DAB1: variants seen among roughly 807,000 people sequenced by gnomAD.
The protein encoded by DAB1 is DAB adaptor protein 1, also known as disabled homolog 1.
DAB1 carries 15 observed loss-of-function variants against 64.6 expected under a neutral mutation model. The ratio of observed to expected loss-of-function variants is 0.23; its 90% CI spans 0.16 to 0.36. The LOEUF (loss-of-function observed/expected upper bound fraction) is 0.36, where lower values mean the gene tolerates loss of function less well. Ranked by LOEUF, DAB1 falls within the 10% of genes least tolerant of loss-of-function variation. The pLI is 1.00. For synonymous variants in DAB1, 235 were observed against 251.9 expected (o/e 0.93, Z 0.64); for missense variants, 596 against 706.7 (o/e 0.84, Z 1.78).
chr1:57,203,028 T>C (rs890717343), intron 2 of DAB1, among the ~76,000 whole-genome samples: 1 of 152,202 alleles, frequency 6.6e-6, no homozygotes, highest in African/African-American at 2.4e-5. Flanking sequence ...TGAAATCTAT[T>C]CATTGGATTC....
At chr1:57,138,443 T>G (rs530824059) in intron 3 of DAB1, among the ~76,000 whole-genome samples, 1 of 152,256 alleles carries the variant, frequency 6.6e-6, no homozygotes, top group African/African-American at 2.4e-5. Context: ...TAAGTCTCTC[T>G]CCCTACAACC....
At chr1:57,719,141 C>T (rs1029446434) in intron 6 of DAB1, among the ~76,000 whole-genome samples, 4 of 152,118 alleles carry the variant, frequency 2.6e-5, no homozygotes, top group African/African-American at 9.7e-5. Context: ...TTTCCATGGC[C>T]GCTGAGTGAA....
chr1:57,827,554 G>T (rs747699438), intron 1 of DAB1, among the ~76,000 whole-genome samples: 1 of 152,146 alleles, frequency 6.6e-6, no homozygotes, highest in African/African-American at 2.4e-5. Flanking sequence ...AGATGGTGAA[G>T]ATTTAACACA....
chr1:57,855,539 T>A (rs1653713825), intron 1 of DAB1, among the ~76,000 whole-genome samples: 1 of 151,984 alleles, frequency 6.6e-6, no homozygotes, highest in African/African-American at 2.4e-5. Context: ...AGAAAAGCGG[T>A]CTTTGATATA....
At chr1:58,030,757 A>G (rs1204591415) in intron 5 of DAB1, among the ~76,000 whole-genome samples, 1 of 152,208 alleles carries the variant, frequency 6.6e-6, no homozygotes, top group Non-Finnish European at 1.5e-5. Flanking sequence ...GTGAACACAT[A>G]TGGAAATAGG....
intron 7 of DAB1, among the ~76,000 whole-genome samples, chr1:57,452,223 A>G (rs1686410391): frequency 8.2e-6 from 1 of 122,588 alleles, no homozygotes; most frequent in African/African-American, 3.2e-5. Flanking sequence ...GCTGGAGTGC[A>G]GTGGTGTGAT....
At chr1:57,820,078 T>C (rs543147127) in intron 6 of DAB1, among the ~76,000 whole-genome samples, 1 of 152,286 alleles carries the variant, frequency 6.6e-6, no homozygotes, top group Non-Finnish European at 1.5e-5. Flanking sequence ...CCAAGACAAT[T>C]ACCTCCATTA....
At chr1:57,950,839 T>C (rs1645262168) in intron 5 of DAB1, among the ~76,000 whole-genome samples, 1 of 152,184 alleles carries the variant, frequency 6.6e-6, no homozygotes, top group African/African-American at 2.4e-5. Context: ...ACTACTGTTA[T>C]TTGTTTCTCC....
rs531107162 is a variant in DAB1 at position 57,399,966 on chromosome 1, T to G, written c.-137+23964A>C. 2.1e-4 allele frequency among the ~76,000 whole-genome samples: 32 copies of G among 152,306 alleles called. No homozygotes were observed. The South Asian group carries it at 5.4e-3, about 26-fold the overall frequency. On this transcript the variant is annotated intron_variant, in intron 1 of 14. Coordinates refer to ENST00000371236, the MANE Select transcript of DAB1 (RefSeq NM_001365792.1). ...TGGATTAGAATAGCCTGTCTTATCTTCCCAAAGGTTGGGGTACTCACTCAC... is the reference window on the plus strand; with the variant it reads ...TGGATTAGAATAGCCTGTCTTATCTGCCCAAAGGTTGGGGTACTCACTCAC...
chr1:57,469,958 T>G (rs891665055), intron 7 of DAB1, among the ~76,000 whole-genome samples: 1 of 152,346 alleles, frequency 6.6e-6, no homozygotes, highest in East Asian at 1.9e-4. Flanking sequence ...ACCATGAAAC[T>G]ATTATTTCAT....
chr1:57,858,541 C>G (rs548326086), intron 1 of DAB1, among the ~76,000 whole-genome samples: 27 of 151,842 alleles, frequency 1.8e-4, no homozygotes, highest in African/African-American at 6.3e-4. Context: ...AAAAAAAAAG[C>G]CATTATCATT....
chr1:57,140,011 C>T (rs1658446210), intron 3 of DAB1, among the ~76,000 whole-genome samples: 1 of 152,172 alleles, frequency 6.6e-6, no homozygotes, highest in African/African-American at 2.4e-5. Context: ...CTCTGAAAAA[C>T]TGCACTCAGT....
chr1:58,185,706 C>A (rs143883269), intron 4 of DAB1, among the ~76,000 whole-genome samples: 2 of 152,158 alleles, frequency 1.3e-5, no homozygotes, highest in Admixed American at 1.3e-4. Flanking sequence ...ACTTCCCCAG[C>A]CAGCAATGTC....
chr1:57,757,628 CA>C (rs1292876133), intron 6 of DAB1, among the ~76,000 whole-genome samples: 8 of 152,100 alleles, frequency 5.3e-5, no homozygotes, highest in Non-Finnish European at 7.4e-5. Context: ...ATAAGACCAT[CA>C]GTCATATTGG....
chr1:57,414,146 C>T (rs1303353942), intron 1 of DAB1, among the ~76,000 whole-genome samples: 1 of 152,188 alleles, frequency 6.6e-6, no homozygotes, highest in Non-Finnish European at 1.5e-5. Context: ...TTTGAGAGGA[C>T]TGACTCCAAT....
At chr1:57,437,675 C>T (rs915990778) in intron 7 of DAB1, among the ~76,000 whole-genome samples, 2 of 152,146 alleles carry the variant, frequency 1.3e-5, no homozygotes, top group African/African-American at 4.8e-5. Context: ...CATACAGATA[C>T]CCATTCCCCC....
chr1:57,273,740 G>A (rs1570127410), intron 2 of DAB1, among the ~76,000 whole-genome samples: 1 of 150,324 alleles, frequency 6.7e-6, no homozygotes, highest in Admixed American at 6.7e-5. Flanking sequence ...ACTGACATGA[G>A]AATGTCTTTT....
At chr1:57,846,142 T>C (rs1027235512) in intron 1 of DAB1, among the ~76,000 whole-genome samples, 11 of 152,092 alleles carry the variant, frequency 7.2e-5, no homozygotes, top group Non-Finnish European at 1.6e-4. Flanking sequence ...AGCAAATCAT[T>C]TCAGAACTTG....
chr1:57,597,450 G>A (rs1476428349), intron 7 of DAB1, among the ~76,000 whole-genome samples: 1 of 152,224 alleles, frequency 6.6e-6, no homozygotes, highest in Non-Finnish European at 1.5e-5. Context: ...ACAACAGTGA[G>A]TGTGGGAGAA....
Sources: allele counts gnomAD v4.1 joint callset (sites outside exome capture counted in the v4.1 genomes callset), GRCh38; gene constraint gnomAD v4.1.1; transcripts MANE v1.5; gene names NCBI Gene and HGNC (gene_info 2026-07-23, HGNC 2026-07-21).